SNX17: variants seen among roughly 807,000 people sequenced by gnomAD.
SNX17 encodes sorting nexin 17.
Under a neutral mutation model 64.3 loss-of-function variants are expected in SNX17, and 35 were observed. The ratio of observed to expected loss-of-function variants is 0.54; its 90% CI spans 0.42 to 0.72. The LOEUF is 0.72. Ranked by LOEUF, SNX17 falls within the 30% of genes least tolerant of loss-of-function variation. The probability of loss-of-function intolerance (pLI) is 0.00; values close to 1 mark genes in which losing one functional copy is unlikely to be tolerated. For missense variants in SNX17, 538 were observed against 610.0 expected, an observed-to-expected ratio of 0.88 and a Z score of 1.24; for synonymous variants, 259 against 230.2, an observed-to-expected ratio of 1.13 and a Z score of -1.13.
In SNX17 at chr2:27,376,320, G is replaced by T; in HGVS notation, c.1190G>T (p.Arg397Leu). The change falls in exon 13 of 15, where the codon CGC becomes CTC. Residue 397 changes from arginine to leucine, a missense_variant. Around this residue, in one of 3 missense-constraint regions of SNX17, gnomAD observed 505 missense variants for 550.4 expected, o/e 0.92. Coordinates refer to ENST00000233575, the MANE Select transcript of SNX17 (RefSeq NM_014748.4). ...KSGGSIRKML[R>L]RRVGGTLRRS... ...CCTTGTGTCTGTCCCCAGATGCTGC[G>T]CCGGCGGGTGGGGGGTACTCTGAGA... is the stretch of plus-strand genomic sequence containing the variant. 1 of 1,611,764 alleles carries T rather than the reference G, an allele frequency of 6.2e-7. No homozygotes were observed. The highest frequency in any genetic ancestry group is 1.3e-5 in the African/African-American group (1 of 74,982).
At chr2:27,372,885 T>C in intron 3 of SNX17, 145 bp downstream of exon 3, 2 of 1,286,786 alleles carry the variant, frequency 1.6e-6, no homozygotes, top group Non-Finnish European at 1.1e-6. Flanking sequence ...GCAAAGTAAA[T>C]AGTGTACGAG....
intron 4 of SNX17, 154 bp downstream of exon 4, chr2:27,373,465 C>A (rs556665062): frequency 1.4e-6 from 1 of 706,196 alleles, no homozygotes; most frequent in Non-Finnish European, 2.4e-6. Context: ...CGGATTCAAG[C>A]GATTCTCCTG....
Position 27,370,831 on chromosome 2 carries a change from G to C in SNX17, c.63+25G>C, listed in dbSNP as rs546033830. ...GGTGAGGAGCGGCCGGAGCCGAGCCGGGCCGGGCAGGGGCGGGGATAACGG... is the reference window on the plus strand; with the variant it reads ...GGTGAGGAGCGGCCGGAGCCGAGCCCGGCCGGGCAGGGGCGGGGATAACGG... On this transcript the variant is annotated intron_variant, in intron 1 of 14. Coordinates refer to ENST00000233575, the MANE Select transcript of SNX17 (RefSeq NM_014748.4). 4.7e-4 allele frequency: 716 copies of C among 1,534,856 alleles called. 12 individuals carry two copies. The South Asian group carries it at 7.9e-3, about 17-fold the overall frequency.
intron 2 of SNX17, 72 bp downstream of exon 2, chr2:27,371,415 A>T (rs1001764216): frequency 1.3e-6 from 2 of 1,527,082 alleles, no homozygotes; most frequent in African/African-American, 2.8e-5. Flanking sequence ...GTCTCCCTTT[A>T]CCCGCTCTTC....
chr2:27,372,718 G>A lies in SNX17; in HGVS notation c.234G>A (p.Gln78=), dbSNP rs1281532604. The A allele has an allele frequency of 1.2e-6, 2 of 1,614,210 alleles. No individual in the cohort carries two copies. The highest frequency in any genetic ancestry group is 2.2e-5 in the South Asian group (2 of 91,090). ...TPAEVEQRRE[Q]LEKYMQAVRQ... ...CTGAGGTAGAACAGAGGAGAGAGCA[G>A]TTAGAGAAGTACATGCAAGCTGGTG... Residue 78 remains glutamine (Q), a synonymous_variant, in exon 3 of 15, where the codon CAG becomes CAA. Coordinates refer to ENST00000233575, the MANE Select transcript of SNX17 (RefSeq NM_014748.4).
chr2:27,371,607 A>G (rs1461397800), intron 2 of SNX17: 2 of 455,812 alleles, frequency 4.4e-6, no homozygotes, highest in African/African-American at 4.1e-5. Flanking sequence ...TTACCCCTGC[A>G]TGGACAAACC....
chr2:27,377,431 G>T lies in SNX17; in HGVS notation c.*712G>T. 1 of 1,190,106 alleles carries T rather than the reference G, an allele frequency of 8.4e-7. No homozygotes were observed. Among genetic ancestry groups the T allele is most frequent in the Non-Finnish European group, 1.2e-6 (1 of 821,106 alleles). The allele number at this position is 1,190,106 out of a possible 1,614,324, so 73.7% of individuals were successfully genotyped here. A position where few individuals can be genotyped will look rare whatever the true frequency, so the allele number is the denominator to read the frequency against. The stretch of plus-strand genomic sequence containing the variant: ...CCATATGGGCCCCCCCGCCCATGGG[G>T]TTGGGCTGGTCCTTATAGTGCCTAC... On this transcript the variant is annotated 3_prime_UTR_variant, in exon 15 of 15. Coordinates refer to ENST00000233575, the MANE Select transcript of SNX17 (RefSeq NM_014748.4). This position sits in a 1 kb window ranked among gnomAD's most constrained non-coding sequence, Gnocchi z 4.4.
In SNX17 at chr2:27,375,909, C is replaced by T. The variant is rs146535118; in HGVS notation, c.1042C>T (p.Leu348=). 2 of 1,614,078 alleles carry T rather than the reference C, an allele frequency of 1.2e-6. No homozygotes were observed. The highest frequency in any genetic ancestry group is 2.2e-5 in the East Asian group (1 of 44,892). Residue 348 remains leucine (L), a synonymous_variant, in exon 11 of 15, where the codon CTG becomes TTG. Coordinates refer to ENST00000233575, the MANE Select transcript of SNX17 (RefSeq NM_014748.4). The surrounding 1 kb of genome is among the most constrained non-coding windows in gnomAD (Gnocchi z 4.1). The part of the protein sequence containing the change: ...GRGRGEVRLE[L]AFEYLMSKDR... Reference sequence around the variant, plus strand: ...GGGCCGGGGTGAGGTGCGCCTGGAACTGGCTTTTGAATACCTCATGAGCAA... The same window carrying T: ...GGGCCGGGGTGAGGTGCGCCTGGAATTGGCTTTTGAATACCTCATGAGCAA...
At chr2:27,373,339 A>G in intron 4 of SNX17, 28 bp downstream of exon 4, 1 of 1,612,450 alleles carries the variant, frequency 6.2e-7, no homozygotes, top group Non-Finnish European at 8.5e-7. Context: ...ACCAAGATTT[A>G]AGGAAAGGAC....
chr2:27,376,554 TG>T, intron 14 of SNX17, 34 bp downstream of exon 14: 1 of 1,614,168 alleles, frequency 6.2e-7, no homozygotes, highest in Non-Finnish European at 8.5e-7. Flanking sequence ...TGCTGTTTGT[TG>T]GGGGATCTTG....
At position 27,376,366 on chromosome 2, in the gene SNX17, A is replaced by G; in HGVS notation, c.1236A>G (p.Ala412=). 1.2e-6 allele frequency: 2 copies of G among 1,613,462 alleles called. No homozygotes were observed. The highest frequency in any genetic ancestry group is 1.7e-6 in the Non-Finnish European group (2 of 1,179,526). The part of the protein sequence containing the change: ...GTLRRSDSQQ[A]VKSPPLLESP... ...TGAGACGCTCAGACAGCCAGCAAGC[A>G]GTGAAGTCCCCACCACTGCTTGTAA... Residue 412 remains alanine, a synonymous_variant, in exon 13 of 15, where the codon GCA becomes GCG. Transcript: ENST00000233575.
In SNX17 at chr2:27,376,531, G is replaced by C. The variant is rs978181544; in HGVS notation, c.1299+11G>C. ...ATGGTCAAACTCTCAGTGAGTTCCA[G>C]CGTTGGTGAGGTTGCTGTTTGTTGG... is the stretch of plus-strand genomic sequence containing the variant. On this transcript the variant is annotated intron_variant, in intron 14 of 14. Transcript: ENST00000233575. 4 of 1,614,088 alleles carry C rather than the reference G, an allele frequency of 2.5e-6. No individual in the cohort carries two copies. The African/African-American group carries it at 5.3e-5, about 22-fold the overall frequency.
At chr2:27,374,803 C>G (rs369241745) in intron 8 of SNX17, 45 bp downstream of exon 8, 2 of 1,562,336 alleles carry the variant, frequency 1.3e-6, no homozygotes, top group Non-Finnish European at 1.8e-6. Flanking sequence ...AAGAAAATAA[C>G]GGGTGACTCA....
In SNX17 at chr2:27,373,200, A is replaced by T. The variant is rs527964301; in HGVS notation, c.257-47A>T. On this transcript the variant is annotated intron_variant, in intron 3 of 14. Transcript: ENST00000233575. The stretch of plus-strand genomic sequence containing the variant: ...CTACTGAGAGGAGGACTGGGGAGCC[A>T]AGAGTGAGTGCTAAGTTCCTGTAAT... 1.6e-5 allele frequency: 25 copies of T among 1,612,866 alleles called. No homozygotes were observed. In the South Asian group the frequency reaches 2.3e-4, roughly 15 times the overall value.
chr2:27,371,573 C>T, intron 2 of SNX17: 1 of 853,468 alleles, frequency 1.2e-6, no homozygotes, highest in Non-Finnish European at 1.6e-6. Flanking sequence ...GGTTTTCTGT[C>T]CAGTCTTACT....
In SNX17 at chr2:27,375,636, G is replaced by A. The variant is rs764832593; in HGVS notation, c.905G>A (p.Arg302His). ...AGNSELSLQL[R>H]LPGQQLREGS... ...AACAGTGAGCTCAGCCTGCAGCTCC[G>A]CCTGCCTGGCCAGCAACTCCGAGAA... The change falls in exon 10 of 15, where the codon CGC (arginine) becomes CAC (histidine). Residue 302 changes from arginine to histidine, a missense_variant. Physicochemically the swap from Arg to His is conservative, Grantham distance 29. This residue lies in a region of SNX17 where 505 missense variants were observed against 550.4 expected (regional missense o/e 0.92). Transcript: ENST00000233575. This position sits in a 1 kb window ranked among gnomAD's most constrained non-coding sequence, Gnocchi z 4.1. 1.1e-5 allele frequency: 18 copies of A among 1,614,058 alleles called. No individual in the cohort carries two copies. Among genetic ancestry groups the A allele is most frequent in the East Asian group, 1.1e-4 (5 of 44,898 alleles).
In SNX17 at chr2:27,372,627, G is replaced by A. The variant is rs1340190010; in HGVS notation, c.143G>A (p.Arg48Gln). 5.6e-6 allele frequency: 9 copies of A among 1,614,030 alleles called. No individual in the cohort carries two copies. The highest frequency in any genetic ancestry group is 2.2e-5 in the South Asian group (2 of 91,084). The part of the protein sequence containing the change: ...SQLLGLHEQL[R>Q]KEYGANVLPA... ...TGTATCTCTTTCTCTAAATAGCTTC[G>A]GAAGGAGTATGGGGCCAATGTGCTT... is the stretch of plus-strand genomic sequence containing the variant. The change falls in exon 3 of 15, where the codon CGG becomes CAG. Residue 48 changes from arginine (R) to glutamine (Q), a missense_variant. By Grantham distance (43) the Arg-to-Gln change is conservative. Around this residue, in one of 3 missense-constraint regions of SNX17, gnomAD observed 505 missense variants for 550.4 expected, o/e 0.92. Coordinates refer to ENST00000233575, the MANE Select transcript of SNX17 (RefSeq NM_014748.4).
intron 4 of SNX17, 64 bp from the exon 5 acceptor site, chr2:27,373,797 G>A: frequency 8.7e-7 from 1 of 1,153,046 alleles, no homozygotes; most frequent in Non-Finnish European, 1.3e-6. Flanking sequence ...TAGAAATAGA[G>A]TTGGGCATAG....
rs536147946 is a variant in SNX17 at position 27,377,139 on chromosome 2, C to T, written c.*420C>T. On this transcript the variant is annotated 3_prime_UTR_variant, in exon 15 of 15. Transcript: ENST00000233575. This position sits in a 1 kb window ranked among gnomAD's most constrained non-coding sequence, Gnocchi z 4.4. ...CCTGACTGCTGCCTACCTCTGGTTCCCTCTCACTGCCCCTGCTTCCCCCAT... is the reference window on the plus strand; with the variant it reads ...CCTGACTGCTGCCTACCTCTGGTTCTCTCTCACTGCCCCTGCTTCCCCCAT... 1.2e-5 allele frequency: 5 copies of T among 414,114 alleles called. No homozygotes were observed. Among genetic ancestry groups the T allele is most frequent in the African/African-American group, 2.0e-5 (1 of 49,312 alleles). 25.7% of individuals were successfully genotyped at this position (414,114 alleles called of 1,614,324 possible). A position where few individuals can be genotyped will look rare whatever the true frequency, so the allele number is the denominator to read the frequency against.
Sources: allele counts gnomAD v4.1 joint callset, GRCh38; gene constraint gnomAD v4.1.1; regional missense constraint gnomAD v4.1.1; non-coding constraint Gnocchi (gnomAD v3.1); transcripts MANE v1.5; gene names NCBI Gene and HGNC (gene_info 2026-07-23, HGNC 2026-07-21).